Variants in GAPVD1 observed in about 807,000 individuals in gnomAD.
GAPVD1 encodes the protein GTPase activating protein and VPS9 domains 1, also known as GTPase-activating protein and VPS9 domain-containing protein 1.
A neutral mutation model predicts 155.5 loss-of-function variants in GAPVD1; 35 were observed. That is an observed-to-expected ratio of 0.23 (90% CI 0.17 to 0.30). GAPVD1 has a LOEUF of 0.30. Ranked by LOEUF, GAPVD1 falls within the 10% of genes least tolerant of loss-of-function variation. The pLI is 1.00. For synonymous variants in GAPVD1, 636 were observed against 619.7 expected (o/e 1.03, Z -0.39); for missense variants, 1,429 against 1,775.7 (o/e 0.80, Z 3.51).
chr9:125,265,475 A>G (rs1833728899), intron 1 of GAPVD1, among the ~76,000 whole-genome samples: 1 of 151,210 alleles, frequency 6.6e-6, no homozygotes, highest in South Asian at 2.1e-4. Flanking sequence ...CAGTGGTGTA[A>G]TCTTGGCTCA....
intron 19 of GAPVD1, among the ~76,000 whole-genome samples, chr9:125,345,007 C>G (rs527505851): frequency 6.6e-6 from 1 of 152,276 alleles, no homozygotes; most frequent in Non-Finnish European, 1.5e-5. Flanking sequence ...TCAGCATACT[C>G]AGGGAATTGG....
Position 125,362,745 on chromosome 9 carries a change from G to T in GAPVD1, c.4382G>T (p.Ter1461LeuextTer12). Reference protein sequence around the residue: ...EFIKTIDDRK* With the variant: ...EFIKTIDDRKL ...ATTAAAACCATCGATGACCGAAAGTGACCAAGACCAAGGCCCACCAAGGCA... is the reference window on the plus strand; with the variant it reads ...ATTAAAACCATCGATGACCGAAAGTTACCAAGACCAAGGCCCACCAAGGCA... The change falls in exon 28 of 28, where the codon TGA (stop) becomes TTA (leucine). Residue 1461 changes from the stop codon to leucine (L), a stop_lost. Transcript: ENST00000297933. The T allele has an allele frequency of 6.2e-7, 1 of 1,612,934 alleles. No individual in the cohort carries two copies. Among genetic ancestry groups the T allele is most frequent in the South Asian group, 1.1e-5 (1 of 90,838 alleles).
In GAPVD1 at chr9:125,334,980, G is replaced by A. The variant is rs988029169; in HGVS notation, c.2429-2038G>A. 2.0e-5 allele frequency among the ~76,000 whole-genome samples: 3 copies of A among 152,276 alleles called. No homozygotes were observed. The South Asian group carries it at 6.2e-4, about 32-fold the overall frequency. ...AGACTTTTCTGGTGAGATTGGTGGT[G>A]ATATGAAAAATGTGAATTTAGCAGA... On this transcript the variant is annotated intron_variant, in intron 15 of 27. Coordinates refer to ENST00000297933, the MANE Select transcript of GAPVD1 (RefSeq NM_001282680.3).
At chr9:125,306,339 C>A (rs1432696260) in intron 6 of GAPVD1, among the ~76,000 whole-genome samples, 1 of 151,838 alleles carries the variant, frequency 6.6e-6, no homozygotes, top group Non-Finnish European at 1.5e-5. Flanking sequence ...CCAAAAGATT[C>A]TTGATGTTAT....
At chr9:125,325,235 A>AT (rs1844948167) in intron 11 of GAPVD1, among the ~76,000 whole-genome samples, 1 of 149,294 alleles carries the variant, frequency 6.7e-6, no homozygotes, top group Non-Finnish European at 1.5e-5. Flanking sequence ...AAAAAAAAAA[A>AT]GATGGGCCGG....
At chr9:125,268,205 C>CCCA (rs1491471791) in intron 1 of GAPVD1, among the ~76,000 whole-genome samples, 1 of 108,080 alleles carries the variant, frequency 9.3e-6, no homozygotes, top group African/African-American at 3.3e-5. Context: ...CCCCCCCCCC[C>CCCA]AAAAAAAAAC....
chr9:125,329,867 A>G (rs1845836430), intron 12 of GAPVD1, among the ~76,000 whole-genome samples: 1 of 152,126 alleles, frequency 6.6e-6, no homozygotes, highest in African/African-American at 2.4e-5. Flanking sequence ...TTTTCAGTAG[A>G]GACGGGGTTT....
Position 125,293,858 on chromosome 9 carries a change from A to ATATAAATATAT in GAPVD1, c.-149-1596_-149-1595insAATATATTATA, listed in dbSNP as rs1564310995. 6.5e-3 allele frequency among the ~76,000 whole-genome samples: 53 copies of ATATAAATATAT among 8,180 alleles called. 1 individual carries two copies. Among genetic ancestry groups the ATATAAATATAT allele is most frequent in the African/African-American group, 0.061 (49 of 798 alleles). 5.4% of individuals were successfully genotyped at this position (8,180 alleles called of 152,430 possible). A position where few individuals can be genotyped will look rare whatever the true frequency, so the allele number is the denominator to read the frequency against. On this transcript the variant is annotated intron_variant, in intron 2 of 27. Coordinates refer to ENST00000297933, the MANE Select transcript of GAPVD1 (RefSeq NM_001282680.3). ...ATATATATAAAAATATATTTTATAT[A>ATATAAATATAT]TATATATATATATATATATATATAT...
chr9:125,314,442 G>A (rs1304082578), intron 9 of GAPVD1, among the ~76,000 whole-genome samples: 3 of 152,124 alleles, frequency 2.0e-5, no homozygotes, highest in Non-Finnish European at 4.4e-5. Context: ...GATCCCCCGA[G>A]GTCAGGAGTT....
rs1259623754 is a variant in GAPVD1 at position 125,349,315 on chromosome 9, C to T, written c.3170-75C>T. 6.4e-6 allele frequency: 8 copies of T among 1,251,348 alleles called. No individual in the cohort carries two copies. In the Admixed American group the frequency reaches 1.3e-4, roughly 20 times the overall value. 77.5% of individuals were successfully genotyped at this position (1,251,348 alleles called of 1,614,324 possible). On this transcript the variant is annotated intron_variant, in intron 20 of 27. Transcript: ENST00000297933. The stretch of plus-strand genomic sequence containing the variant: ...TCAATGGTAATTTATTCTTGAGTTG[C>T]TCTGAATACCTACTAGTGCCATAAT...
chr9:125,350,349 C>T lies in GAPVD1; in HGVS notation c.3354C>T (p.Phe1118=). 6.2e-7 allele frequency: 1 copy of T among 1,602,518 alleles called. No homozygotes were observed. The highest frequency in any genetic ancestry group is 8.5e-7 in the Non-Finnish European group (1 of 1,177,238). ...TTTGCTCTGCGGACTCTGTTGCCTT[C>T]CCAGTGCTGACCCATTCAACAAGGA... ...LALCSADSVA[F]PVLTHSTRNG... The change falls in exon 22 of 28, where the codon TTC becomes TTT. Residue 1118 remains phenylalanine (F), a synonymous_variant. Coordinates refer to ENST00000297933, the MANE Select transcript of GAPVD1 (RefSeq NM_001282680.3).
At chr9:125,353,142 C>T (rs1321217651) in intron 23 of GAPVD1, among the ~76,000 whole-genome samples, 1 of 152,058 alleles carries the variant, frequency 6.6e-6, no homozygotes, top group African/African-American at 2.4e-5. Flanking sequence ...TTTAATAGCA[C>T]CCAAGTCACC....
At chr9:125,347,132 C>G (rs1848613263) in intron 20 of GAPVD1, 191 bp downstream of exon 20, 6 of 624,162 alleles carry the variant, frequency 9.6e-6, no homozygotes, top group Admixed American at 5.7e-5. Flanking sequence ...CTGGGTACCC[C>G]TGAATGTTCA....
chr9:125,315,653 C>T (rs1300346347), intron 9 of GAPVD1, among the ~76,000 whole-genome samples: 2 of 152,014 alleles, frequency 1.3e-5, no homozygotes, highest in Non-Finnish European at 2.9e-5. Context: ...TATTGAAAAG[C>T]AGATATATTA....
chr9:125,357,570 C>G (rs1353800122), intron 25 of GAPVD1, among the ~76,000 whole-genome samples: 3 of 151,802 alleles, frequency 2.0e-5, no homozygotes, highest in African/African-American at 7.3e-5. Context: ...CAGAGTGAGA[C>G]TCTGTCTAAA....
Position 125,337,320 on chromosome 9 carries a change from C to T in GAPVD1, c.2606C>T (p.Ala869Val). Reference sequence around the variant, plus strand: ...GAAGGAGCTGTGGGAGGAAATGAGGCCAGGTTGCCAAACTTTGGTTCCCAT... The same window carrying T: ...GAAGGAGCTGTGGGAGGAAATGAGGTCAGGTTGCCAAACTTTGGTTCCCAT... Reference protein sequence around the residue: ...ILEGAVGGNEARLPNFGSHVL... With the variant: ...ILEGAVGGNEVRLPNFGSHVL... The change falls in exon 17 of 28, where the codon GCC (alanine) becomes GTC (valine). Residue 869 changes from alanine (A) to valine (V), a missense_variant. Transcript: ENST00000297933. 1 of 1,614,176 alleles carries T rather than the reference C, an allele frequency of 6.2e-7. No homozygotes were observed. The highest frequency in any genetic ancestry group is 8.5e-7 in the Non-Finnish European group (1 of 1,180,032).
At chr9:125,287,530 A>G (rs1564294780) in intron 2 of GAPVD1, among the ~76,000 whole-genome samples, 1 of 152,118 alleles carries the variant, frequency 6.6e-6, no homozygotes, top group Non-Finnish European at 1.5e-5. Flanking sequence ...TAAAAGAAAA[A>G]TGGGAAGGCC....
rs1849579409 is a variant in GAPVD1, at chr9:125,353,369, C to T, written c.3570-1285C>T. Among the ~76,000 whole-genome samples the T allele has an allele frequency of 1.3e-5, 2 of 152,180 alleles. 1 individual carries two copies. The highest frequency in any genetic ancestry group is 4.1e-4 in the South Asian group (2 of 4,834). ...TTCATATCACTGTCAGCATTTTCGT[C>T]AAAGCCATTCAACAAATCTCTAGGA... is the stretch of plus-strand genomic sequence containing the variant. On this transcript the variant is annotated intron_variant, in intron 23 of 27. Coordinates refer to ENST00000297933, the MANE Select transcript of GAPVD1 (RefSeq NM_001282680.3).
At position 125,312,569 on chromosome 9, in the gene GAPVD1, G is replaced by A. The variant is rs762454238; in HGVS notation, c.1559G>A (p.Gly520Asp). Residue 520 changes from glycine to aspartate, a missense_variant, in exon 9 of 28, where the codon GGT becomes GAT. Physicochemically the swap from Gly to Asp is moderately conservative, Grantham distance 94 (BLOSUM62 -1). This residue lies in a region of GAPVD1 where 628 missense variants were observed against 733.4 expected (regional missense o/e 0.86). Transcript: ENST00000297933. ...QPEEVLVISL[G>D]TGPQLTPGMM... ...GAAGAGGTGTTGGTCATTTCCTTAG[G>A]TACAGGTCCCCAGCTTACTCCAGGG... is the stretch of plus-strand genomic sequence containing the variant. 6.2e-7 allele frequency: 1 copy of A among 1,602,642 alleles called. No individual in the cohort carries two copies.
Sources: gnomAD v4.1 joint callset for allele counts (sites outside exome capture counted in the v4.1 genomes callset) on GRCh38, gnomAD v4.1.1 for gene constraint, gnomAD v4.1.1 regional missense constraint, MANE v1.5 for transcripts, NCBI Gene and HGNC (gene_info 2026-07-23, HGNC 2026-07-21) for gene names.